KCNH7: variants seen among roughly 807,000 people sequenced by gnomAD.
The protein encoded by KCNH7 is voltage-gated inwardly rectifying potassium channel KCNH7.
Under a neutral mutation model 120.8 loss-of-function variants are expected in KCNH7, and 49 were observed. The ratio of observed to expected loss-of-function variants is 0.41; its 90% CI spans 0.32 to 0.51. KCNH7 has a LOEUF of 0.51. Among genes scored for constraint, KCNH7 ranks in the 20% least tolerant of loss-of-function variants. The pLI is 0.38. For synonymous variants in KCNH7, 547 were observed against 516.1 expected, an observed-to-expected ratio of 1.06 and a Z score of -0.81; for missense variants, 1,097 against 1,446.6, an observed-to-expected ratio of 0.76 and a Z score of 3.92.
intron 2 of KCNH7, among the ~76,000 whole-genome samples, chr2:162,772,793 C>T (rs77553093): frequency 0.012 from 1,848 of 152,304 alleles, 42 homozygotes; most frequent in African/African-American, 0.041. Flanking sequence ...ATGCATTAAA[C>T]ATTCATTTAA....
Position 162,548,976 on chromosome 2 carries a change from C to T in KCNH7, c.308-11896G>A, listed in dbSNP as rs568217349. The stretch of plus-strand genomic sequence containing the variant: ...AAAGATAGGGCCCAATATTGATTAA[C>T]TGGGGAGTGGGGAAAATGTGCTTGT... On this transcript the variant is annotated intron_variant, in intron 2 of 15. Transcript: ENST00000332142. Among the ~76,000 whole-genome samples, 3 of 152,220 alleles carry T rather than the reference C, an allele frequency of 2.0e-5. No individual in the cohort carries two copies. The East Asian group carries it at 5.8e-4, about 29-fold the overall frequency.
intron 2 of KCNH7, among the ~76,000 whole-genome samples, chr2:162,671,515 T>C (rs1473953241): frequency 6.6e-6 from 1 of 151,836 alleles, no homozygotes; most frequent in Non-Finnish European, 1.5e-5. Flanking sequence ...TGAGTACACA[T>C]GGACATACAA....
At chr2:162,521,739 T>A (rs1691532634) in intron 3 of KCNH7, among the ~76,000 whole-genome samples, 1 of 151,888 alleles carries the variant, frequency 6.6e-6, no homozygotes, top group Non-Finnish European at 1.5e-5. Context: ...CATTTATCAT[T>A]TTTTGTGTCA....
At position 162,528,647 on chromosome 2, in the gene KCNH7, C is replaced by T. The variant is rs76139624; in HGVS notation, c.463+8278G>A. Reference sequence around the variant, plus strand: ...TGATAGGCGGATTGTATTATCCATGCATAGGGCTTTGGAGTCTTATATTTT... The same window carrying T: ...TGATAGGCGGATTGTATTATCCATGTATAGGGCTTTGGAGTCTTATATTTT... On this transcript the variant is annotated intron_variant, in intron 3 of 15. Coordinates refer to ENST00000332142, the MANE Select transcript of KCNH7 (RefSeq NM_033272.4). 8.8e-3 allele frequency among the ~76,000 whole-genome samples: 1,331 copies of T among 151,954 alleles called. 29 individuals carry two copies. The highest frequency in any genetic ancestry group is 0.029 in the African/African-American group (1,222 of 41,498).
intron 2 of KCNH7, among the ~76,000 whole-genome samples, chr2:162,783,066 C>G (rs997121164): frequency 1.3e-5 from 2 of 152,188 alleles, no homozygotes; most frequent in Admixed American, 6.5e-5. Context: ...TGTTATCCAA[C>G]AGTGGCTAGG....
At chr2:162,702,561 G>A (rs1025514726) in intron 2 of KCNH7, among the ~76,000 whole-genome samples, 2 of 152,080 alleles carry the variant, frequency 1.3e-5, no homozygotes, top group African/African-American at 4.8e-5. Context: ...ATGATATATT[G>A]TCTGTCAAAT....
At chr2:162,628,631 C>T (rs565243311) in intron 2 of KCNH7, among the ~76,000 whole-genome samples, 3 of 152,074 alleles carry the variant, frequency 2.0e-5, no homozygotes, top group South Asian at 4.2e-4. Context: ...GTGTGTTGTT[C>T]CCCTCTATGT....
intron 2 of KCNH7, among the ~76,000 whole-genome samples, chr2:162,777,947 G>GT (rs1559129194): frequency 2.6e-5 from 4 of 151,980 alleles, no homozygotes; most frequent in East Asian, 1.9e-4. Context: ...ATTATCATTT[G>GT]TTTTTTTAAA....
chr2:162,737,032 C>T (rs1002474248), intron 2 of KCNH7, among the ~76,000 whole-genome samples: 1 of 152,106 alleles, frequency 6.6e-6, no homozygotes, highest in African/African-American at 2.4e-5. Flanking sequence ...ACTCCAAACT[C>T]TAACTAAGAG....
chr2:162,501,134 G>A (rs768903974), intron 6 of KCNH7, among the ~76,000 whole-genome samples: 2 of 151,964 alleles, frequency 1.3e-5, no homozygotes, highest in East Asian at 3.9e-4. Flanking sequence ...GCTAAAAGGG[G>A]CCCCTACAAA....
At chr2:162,454,847 T>C (rs986222804) in intron 6 of KCNH7, among the ~76,000 whole-genome samples, 1 of 152,084 alleles carries the variant, frequency 6.6e-6, no homozygotes, top group African/African-American at 2.4e-5. Context: ...GCTGAGAAGA[T>C]GGGGTTTTCT....
At chr2:162,565,421 C>G (rs1240785370) in intron 2 of KCNH7, among the ~76,000 whole-genome samples, 1 of 151,912 alleles carries the variant, frequency 6.6e-6, no homozygotes, top group Non-Finnish European at 1.5e-5. Flanking sequence ...CTTACTGGAA[C>G]ATATATTTTA....
intron 1 of KCNH7, among the ~76,000 whole-genome samples, chr2:162,837,215 T>G (rs1283974264): frequency 6.6e-6 from 1 of 152,226 alleles, no homozygotes; most frequent in Admixed American, 6.5e-5. Context: ...TCAAAGTAGT[T>G]ATTATTCTTT....
chr2:162,769,886 C>T (rs756603458), intron 2 of KCNH7, among the ~76,000 whole-genome samples: 2 of 151,986 alleles, frequency 1.3e-5, no homozygotes, highest in African/African-American at 2.4e-5. Context: ...GCACAGCTGT[C>T]CTTATAAACA....
chr2:162,746,901 C>G (rs891341905), intron 2 of KCNH7, among the ~76,000 whole-genome samples: 5 of 152,024 alleles, frequency 3.3e-5, no homozygotes, highest in South Asian at 2.1e-4. Context: ...TTCTTTTCTT[C>G]CTCTTTCTTG....
At chr2:162,832,736 A>G (rs978217669) in intron 2 of KCNH7, among the ~76,000 whole-genome samples, 3 of 152,078 alleles carry the variant, frequency 2.0e-5, no homozygotes, top group South Asian at 2.1e-4. Flanking sequence ...GAGGCACTCA[A>G]TATACATCTT....
chr2:162,636,941 A>G (rs754848049), intron 2 of KCNH7, among the ~76,000 whole-genome samples: 64 of 152,138 alleles, frequency 4.2e-4, no homozygotes, highest in Non-Finnish European at 8.1e-4. Flanking sequence ...ATCTAGGGAC[A>G]CTTGGCTGCT....
chr2:162,624,142 C>G (rs1308331646), intron 2 of KCNH7, among the ~76,000 whole-genome samples: 2 of 152,130 alleles, frequency 1.3e-5, no homozygotes, highest in Non-Finnish European at 2.9e-5. Flanking sequence ...GCAATATCAT[C>G]ATGACTCAAT....
chr2:162,514,800 T>C (rs1222509415), intron 4 of KCNH7, among the ~76,000 whole-genome samples: 1 of 151,826 alleles, frequency 6.6e-6, no homozygotes, highest in Non-Finnish European at 1.5e-5. Context: ...CTAAGGTTCT[T>C]GATAATGTGG....
Sources: allele counts gnomAD v4.1 joint callset (sites outside exome capture counted in the v4.1 genomes callset), GRCh38; gene constraint gnomAD v4.1.1; transcripts MANE v1.5; gene names NCBI Gene and HGNC (gene_info 2026-07-23, HGNC 2026-07-21).